The following SYT10 variants were observed in gnomAD, a reference collection of about 807,000 sequenced individuals.
SYT10 encodes the protein synaptotagmin-10.
SYT10 carries 31 observed loss-of-function variants against 51.1 expected under a neutral mutation model. The ratio of observed to expected loss-of-function variants is 0.61; its 90% CI spans 0.46 to 0.82. SYT10 has a LOEUF of 0.82. Ranked by LOEUF, SYT10 falls within the 40% of genes least tolerant of loss-of-function variation. The pLI is 0.00. For missense variants in SYT10, 603 were observed against 634.0 expected, an observed-to-expected ratio of 0.95 and a Z score of 0.53; for synonymous variants, 233 against 225.9, an observed-to-expected ratio of 1.03 and a Z score of -0.28.
intron 3 of SYT10, among the ~76,000 whole-genome samples, chr12:33,386,916 C>G (rs1382329902): frequency 1.3e-5 from 2 of 151,898 alleles, no homozygotes; most frequent in Non-Finnish European, 2.9e-5. Context: ...TCCACAGTAC[C>G]CTGATATAGA....
At chr12:33,402,087 C>A (rs138284887) in intron 3 of SYT10, among the ~76,000 whole-genome samples, 4 of 152,286 alleles carry the variant, frequency 2.6e-5, no homozygotes, top group Admixed American at 2.6e-4. Context: ...TAGATTCCTA[C>A]CTGAGCACTA....
chr12:33,386,318 TCA>T (rs1662389298), intron 3 of SYT10, among the ~76,000 whole-genome samples: 1 of 152,184 alleles, frequency 6.6e-6, no homozygotes, highest in Non-Finnish European at 1.5e-5. Context: ...CATTAGAACG[TCA>T]CACACATAAG....
Position 33,376,788 on chromosome 12 carries a change from G to A in SYT10, c.*42C>T, listed in dbSNP as rs756849181. 1.6e-5 allele frequency: 26 copies of A among 1,607,704 alleles called. No homozygotes were observed. The highest frequency in any genetic ancestry group is 3.3e-4 in the Middle Eastern group (2 of 6,066). ...ACTTTTTTTCTGATTCAATGAGCAC[G>A]TGATCCTAGATGCTTAATATCATGG... On this transcript the variant is annotated 3_prime_UTR_variant, in exon 7 of 7. Coordinates refer to ENST00000228567, the MANE Select transcript of SYT10 (RefSeq NM_198992.4).
Position 33,407,069 on chromosome 12 carries a change from G to C in SYT10, c.797C>G (p.Thr266Ser). The stretch of plus-strand genomic sequence containing the variant: ...ATACATCTTCACATAAGGGTCAGAA[G>C]TTCCTGTGAAGTCTTTAGCAGGGAG... ...LDLPAKDFTG[T>S]SDPYVKMYLL... The change falls in exon 3 of 7, where the codon ACT (threonine) becomes AGT (serine). Residue 266 changes from threonine to serine, a missense_variant. Transcript: ENST00000228567. 6.2e-7 allele frequency: 1 copy of C among 1,614,162 alleles called. No individual in the cohort carries two copies. Among genetic ancestry groups the C allele is most frequent in the Non-Finnish European group, 8.5e-7 (1 of 1,180,016 alleles).
intron 1 of SYT10, among the ~76,000 whole-genome samples, chr12:33,427,659 G>C (rs1182530603): frequency 6.6e-6 from 1 of 152,166 alleles, no homozygotes; most frequent in Non-Finnish European, 1.5e-5. Context: ...TGCATTGCTT[G>C]CCATAGCAAT....
chr12:33,391,763 G>A (rs1866209600), intron 3 of SYT10, among the ~76,000 whole-genome samples: 2 of 151,992 alleles, frequency 1.3e-5, no homozygotes, highest in Admixed American at 6.5e-5. Flanking sequence ...TTTCTTTTTT[G>A]CTCAAAACCA....
intron 1 of SYT10, among the ~76,000 whole-genome samples, chr12:33,435,720 T>G (rs1866633043): frequency 6.6e-6 from 1 of 152,218 alleles, no homozygotes; most frequent in South Asian, 2.1e-4. Context: ...CCCTCTACTA[T>G]GAAGTCCCTC....
chr12:33,435,460 C>G (rs1403861656), intron 1 of SYT10, among the ~76,000 whole-genome samples: 1 of 152,170 alleles, frequency 6.6e-6, no homozygotes, highest in Admixed American at 6.5e-5. Context: ...AAGTTGGCCA[C>G]TCTTCAGTGG....
chr12:33,415,826 C>T (rs1392114987), intron 2 of SYT10, among the ~76,000 whole-genome samples: 1 of 152,172 alleles, frequency 6.6e-6, no homozygotes, highest in Non-Finnish European at 1.5e-5. Context: ...ATGCAAAAAA[C>T]TATAGGGAGA....
chr12:33,434,993 A>G (rs754991921), intron 1 of SYT10, among the ~76,000 whole-genome samples: 1 of 152,214 alleles, frequency 6.6e-6, no homozygotes, highest in Non-Finnish European at 1.5e-5. Flanking sequence ...TGTTCAAAAT[A>G]GAAATGATTT....
At chr12:33,389,636 G>A (rs1185108745) in intron 3 of SYT10, among the ~76,000 whole-genome samples, 3 of 151,854 alleles carry the variant, frequency 2.0e-5, no homozygotes, top group African/African-American at 4.8e-5. Context: ...TCATTAACAC[G>A]TATTGAAAAA....
intron 3 of SYT10, among the ~76,000 whole-genome samples, chr12:33,397,759 C>T (rs1344989461): frequency 2.0e-5 from 3 of 152,018 alleles, no homozygotes; most frequent in Non-Finnish European, 4.4e-5. Context: ...GAGCCCCCTT[C>T]CTTGGGAGAA....
chr12:33,439,681 G>A lies in SYT10; in HGVS notation c.-159C>T. ...AGCCGGCAACTCTTAGGAGCCCCAC[G>A]TTGGCCCCATGGCGGGAGCGGAGGG... On this transcript the variant is annotated 5_prime_UTR_variant, in exon 1 of 7. In the 5' UTR this introduces an upstream ATG that the reference lacks. Coordinates refer to ENST00000228567, the MANE Select transcript of SYT10 (RefSeq NM_198992.4). 8 of 870,494 alleles carry A rather than the reference G, an allele frequency of 9.2e-6. No homozygotes were observed. The highest frequency in any genetic ancestry group is 5.5e-4 in the Middle Eastern group (2 of 3,620). 53.9% of individuals were successfully genotyped at this position (870,494 alleles called of 1,614,324 possible).
chr12:33,414,919 C>T (rs1461413147), intron 2 of SYT10, among the ~76,000 whole-genome samples: 2 of 152,168 alleles, frequency 1.3e-5, no homozygotes, highest in African/African-American at 4.8e-5. Flanking sequence ...ATATTTACTA[C>T]AAATAGATCC....
chr12:33,436,273 C>T (rs1866636750), intron 1 of SYT10, among the ~76,000 whole-genome samples: 1 of 152,120 alleles, frequency 6.6e-6, no homozygotes, highest in South Asian at 2.1e-4. Flanking sequence ...TTTGTATTTT[C>T]CCTAAGCATT....
At chr12:33,401,528 AATTT>A (rs1378728684) in intron 3 of SYT10, among the ~76,000 whole-genome samples, 4 of 152,170 alleles carry the variant, frequency 2.6e-5, no homozygotes, top group Admixed American at 1.3e-4. Flanking sequence ...CTTCATATAT[AATTT>A]ATTATTAATG....
At chr12:33,408,510 T>C (rs1287090717) in intron 2 of SYT10, among the ~76,000 whole-genome samples, 1 of 152,212 alleles carries the variant, frequency 6.6e-6, no homozygotes, top group Non-Finnish European at 1.5e-5. Context: ...TTATACTTAC[T>C]CCATGCTTTC....
intron 2 of SYT10, among the ~76,000 whole-genome samples, chr12:33,424,428 T>G (rs1298108027): frequency 6.6e-6 from 1 of 152,158 alleles, no homozygotes; most frequent in Non-Finnish European, 1.5e-5. Context: ...TAAGCTAATA[T>G]ACATTCACAG....
intron 3 of SYT10, among the ~76,000 whole-genome samples, chr12:33,388,039 C>T (rs554666490): frequency 4.7e-4 from 71 of 151,904 alleles, no homozygotes; most frequent in African/African-American, 1.1e-3. Flanking sequence ...ATCTCACACA[C>T]GCAATGTGGA....
Sources: gnomAD v4.1 joint callset for allele counts (sites outside exome capture counted in the v4.1 genomes callset) on GRCh38, gnomAD v4.1.1 for gene constraint, MANE v1.5 for transcripts, NCBI Gene and HGNC (gene_info 2026-07-23, HGNC 2026-07-21) for gene names.